Variants in TRIO observed in about 807,000 individuals in gnomAD.
TRIO encodes the protein triple functional domain protein.
TRIO carries 58 observed loss-of-function variants against 351.9 expected under a neutral mutation model. That is an observed-to-expected ratio of 0.16 (90% CI 0.13 to 0.21). The LOEUF (loss-of-function observed/expected upper bound fraction) is 0.21, where lower values mean the gene tolerates loss of function less well. TRIO is among the 10% of genes least tolerant of loss of function. The pLI, the probability that TRIO is intolerant of heterozygous loss-of-function variation, is 1.00. For missense variants in TRIO, 3,201 were observed against 4,027.8 expected (o/e 0.79, Z 5.56); for synonymous variants, 1,758 against 1,595.7 (o/e 1.10, Z -2.42).
chr5:14,189,285 G>T (rs1158895996), intron 1 of TRIO, among the ~76,000 whole-genome samples: 1 of 152,158 alleles, frequency 6.6e-6, no homozygotes, highest in Non-Finnish European at 1.5e-5. Context: ...GTAACACTTT[G>T]ATGCTCCTGT....
intron 1 of TRIO, among the ~76,000 whole-genome samples, chr5:14,249,320 C>T (rs914333417): frequency 3.3e-5 from 5 of 152,154 alleles, no homozygotes; most frequent in African/African-American, 4.8e-5. Context: ...GATGAGAGCC[C>T]GCCCATGGTT....
At chr5:14,264,223 G>A (rs1795518234) in intron 1 of TRIO, among the ~76,000 whole-genome samples, 1 of 151,154 alleles carries the variant, frequency 6.6e-6, no homozygotes, top group Non-Finnish European at 1.5e-5. Context: ...GTTTTCTTTT[G>A]TATTTTATAT....
rs531250322 is a variant in TRIO at position 14,209,056 on chromosome 5, T to A, written c.158-61769T>A. Among the ~76,000 whole-genome samples, 3 of 152,342 alleles carry A rather than the reference T, an allele frequency of 2.0e-5. No homozygotes were observed. The East Asian group carries it at 5.8e-4, about 29-fold the overall frequency. ...AGTGCACCAGAATTTATTCGACAGG[T>A]CGCAGTTTGCCATTTTCTGTTTCAT... On this transcript the variant is annotated intron_variant, in intron 1 of 56. Coordinates refer to ENST00000344204, the MANE Select transcript of TRIO (RefSeq NM_007118.4).
intron 8 of TRIO, among the ~76,000 whole-genome samples, chr5:14,307,716 C>T (rs1266921663): frequency 6.6e-6 from 1 of 152,186 alleles, no homozygotes; most frequent in Non-Finnish European, 1.5e-5. Flanking sequence ...AATAGAATAC[C>T]AGTCTCTGTT....
At chr5:14,210,780 A>G (rs576803616) in intron 1 of TRIO, among the ~76,000 whole-genome samples, 20 of 152,308 alleles carry the variant, frequency 1.3e-4, no homozygotes, top group Non-Finnish European at 2.4e-4. Flanking sequence ...ATTGTCCAGT[A>G]GTTCTACGTA....
At position 14,461,179 on chromosome 5, in the gene TRIO, G is replaced by A. The variant is rs771687927; in HGVS notation, c.5364G>A (p.Lys1788=). 10 of 1,559,854 alleles carry A rather than the reference G, an allele frequency of 6.4e-6. No homozygotes were observed. The highest frequency in any genetic ancestry group is 2.4e-5 in the East Asian group (1 of 41,790). The change falls in exon 35 of 57, where the codon AAG becomes AAA. Residue 1788 remains lysine, a synonymous_variant. Transcript: ENST00000344204. ...TSPVRRLSSG[K]ADGHVKKLAH... ...CCGTGCGGCGGCTCAGCAGCGGCAA[G>A]GCCGACGGGCACGTGAAGAAGCTGG...
chr5:14,193,582 A>G (rs1398598124), intron 1 of TRIO, among the ~76,000 whole-genome samples: 3 of 152,218 alleles, frequency 2.0e-5, no homozygotes, highest in East Asian at 3.8e-4. Context: ...CTTAGGGTCA[A>G]AAACAAGGGG....
chr5:14,461,039 A>G lies in TRIO; in HGVS notation c.5224A>G (p.Asn1742Asp). 1 of 1,580,220 alleles carries G rather than the reference A, an allele frequency of 6.3e-7. No homozygotes were observed. The highest frequency in any genetic ancestry group is 8.6e-7 in the Non-Finnish European group (1 of 1,162,224). Residue 1742 changes from asparagine (N) to aspartate (D), a missense_variant, in exon 35 of 57, where the codon AAT becomes GAT. Asn to Asp is a conservative substitution (Grantham distance 23). Around this residue, in one of 19 missense-constraint regions of TRIO, gnomAD observed 193 missense variants for 218.8 expected, o/e 0.88. Transcript: ENST00000344204. ...GGCAGACTCGCTCTCCGTCTCCAGC[A>G]ATGACGCCAGTCCACCCGCATCCGT... ...NHKDSLSVSS[N>D]DASPPASVAS... is the part of the protein sequence containing the mutation.
Position 14,445,392 on chromosome 5 carries a change from C to T in TRIO, c.5204-15627C>T, listed in dbSNP as rs567611765. ...CTAAGTGGAAAACTCCCAGACAGAGCGAGCAGCAGAAGGGAACATAGCACC... is the reference window on the plus strand; with the variant it reads ...CTAAGTGGAAAACTCCCAGACAGAGTGAGCAGCAGAAGGGAACATAGCACC... On this transcript the variant is annotated intron_variant, in intron 34 of 56. Transcript: ENST00000344204. 5.3e-5 allele frequency among the ~76,000 whole-genome samples: 8 copies of T among 152,320 alleles called. No homozygotes were observed. In the East Asian group the frequency reaches 5.8e-4, roughly 11 times the overall value.
At chr5:14,477,836 A>G (rs1201371253) in intron 41 of TRIO, among the ~76,000 whole-genome samples, 1 of 152,186 alleles carries the variant, frequency 6.6e-6, no homozygotes, top group Non-Finnish European at 1.5e-5. Context: ...ACAGTATCCA[A>G]AAATCCAGTT....
intron 48 of TRIO, 135 bp downstream of exon 48, chr5:14,488,395 C>G: frequency 7.5e-7 from 1 of 1,339,836 alleles, no homozygotes; most frequent in Non-Finnish European, 9.9e-7. Context: ...TACCTGGGAC[C>G]AGGCTAACCC....
intron 2 of TRIO, among the ~76,000 whole-genome samples, chr5:14,273,800 T>A (rs1735250010): frequency 6.6e-6 from 1 of 152,250 alleles, no homozygotes; most frequent in Non-Finnish European, 1.5e-5. Flanking sequence ...CCACTAGGGT[T>A]TGAGCCTTAG....
intron 8 of TRIO, among the ~76,000 whole-genome samples, chr5:14,316,119 T>C (rs1271292768): frequency 1.3e-5 from 2 of 152,252 alleles, no homozygotes; most frequent in African/African-American, 2.4e-5. Context: ...GATAAAATTA[T>C]TACTTTTAAA....
At chr5:14,217,282 T>C (rs911130085) in intron 1 of TRIO, among the ~76,000 whole-genome samples, 2 of 152,186 alleles carry the variant, frequency 1.3e-5, no homozygotes, top group African/African-American at 4.8e-5. Flanking sequence ...CTCTGAGGTG[T>C]CCTAACTCTG....
At chr5:14,507,466 A>G (rs1247045119) in intron 56 of TRIO, among the ~76,000 whole-genome samples, 2 of 152,224 alleles carry the variant, frequency 1.3e-5, no homozygotes, top group Non-Finnish European at 2.9e-5. Context: ...CACACTGGGT[A>G]AAACGCCGGA....
intron 34 of TRIO, among the ~76,000 whole-genome samples, chr5:14,441,715 C>T (rs1752063681): frequency 6.6e-6 from 1 of 152,174 alleles, no homozygotes; most frequent in African/African-American, 2.4e-5. Context: ...TTTTAGTTGG[C>T]TTTATGTCTG....
chr5:14,508,329 T>C lies in TRIO; in HGVS notation c.9201T>C (p.Thr3067=), dbSNP rs1253510778. 1 of 1,614,052 alleles carries C rather than the reference T, an allele frequency of 6.2e-7. No homozygotes were observed. The highest frequency in any genetic ancestry group is 8.5e-7 in the Non-Finnish European group (1 of 1,180,048). Residue 3067 remains threonine (T), a synonymous_variant, in exon 57 of 57, where the codon ACT becomes ACC. Transcript: ENST00000344204. ...STGVLDTSRL[T]SFIERRKHQN... ...GCGTCCTCGACACGTCCAGACTGAC[T>C]TCCTTCATTGAGCGGCGCAAACACC... is the stretch of plus-strand genomic sequence containing the variant.
chr5:14,148,671 T>G (rs1182631707), intron 1 of TRIO, among the ~76,000 whole-genome samples: 1 of 152,196 alleles, frequency 6.6e-6, no homozygotes, highest in Admixed American at 6.5e-5. Flanking sequence ...CCCTGGACAG[T>G]GAAGACTTGG....
At position 14,387,563 on chromosome 5, in the gene TRIO, T is replaced by C; in HGVS notation, c.3696T>C (p.Ser1232=). 6.2e-7 allele frequency: 1 copy of C among 1,614,262 alleles called. No individual in the cohort carries two copies. The highest frequency in any genetic ancestry group is 1.3e-5 in the African/African-American group (1 of 75,070). Residue 1232 remains serine (S), a synonymous_variant, in exon 22 of 57, where the codon TCT becomes TCC. Coordinates refer to ENST00000344204, the MANE Select transcript of TRIO (RefSeq NM_007118.4). Reference sequence around the variant, plus strand: ...TGGATAAGAGGTACAGAGATTTCTCTCTGCGGATGGAGAAGTACAGGACCT... The same window carrying C: ...TGGATAAGAGGTACAGAGATTTCTCCCTGCGGATGGAGAAGTACAGGACCT... The part of the protein sequence containing the change: ...TAVDKRYRDF[S]LRMEKYRTSL...
Sources: allele counts gnomAD v4.1 joint callset (sites outside exome capture counted in the v4.1 genomes callset), GRCh38; gene constraint gnomAD v4.1.1; regional missense constraint gnomAD v4.1.1; transcripts MANE v1.5; gene names NCBI Gene and HGNC (gene_info 2026-07-23, HGNC 2026-07-21).